The following THADA variants were observed in gnomAD, a reference collection of about 807,000 sequenced individuals.
The protein encoded by THADA is tRNA (32-2'-O)-methyltransferase regulator THADA.
In THADA, 213 loss-of-function variants were observed where a neutral mutation model predicts 219.8. The observed-to-expected ratio is 0.97, with a 90% CI of 0.87 to 1.09. THADA has a LOEUF of 1.09. Among genes scored for constraint, THADA ranks in the 50% least tolerant of loss-of-function variants. The probability of loss-of-function intolerance (pLI) is 0.00; values close to 1 mark genes in which losing one functional copy is unlikely to be tolerated. For missense variants in THADA, 2,956 were observed against 2,311.3 expected (o/e 1.28, Z -5.72); for synonymous variants, 1,018 against 828.9 (o/e 1.23, Z -3.92).
intron 36 of THADA, among the ~76,000 whole-genome samples, chr2:43,268,640 G>A (rs558711234): frequency 2.8e-4 from 42 of 152,330 alleles, no homozygotes; most frequent in African/African-American, 7.5e-4. Context: ...CACCCTTTAC[G>A]CCTCCTTGGA....
chr2:43,243,333 G>T (rs1668805928), intron 36 of THADA, among the ~76,000 whole-genome samples: 1 of 152,168 alleles, frequency 6.6e-6, no homozygotes, highest in Admixed American at 6.5e-5. Context: ...AGAGTTGGTG[G>T]TGCTACTGGC....
chr2:43,352,044 C>T (rs1228429407), intron 29 of THADA, among the ~76,000 whole-genome samples: 1 of 152,160 alleles, frequency 6.6e-6, no homozygotes, highest in Non-Finnish European at 1.5e-5. Flanking sequence ...TAACATAATA[C>T]CTGCTCTAAC....
At chr2:43,267,751 C>A (rs758247912) in intron 36 of THADA, among the ~76,000 whole-genome samples, 1 of 151,554 alleles carries the variant, frequency 6.6e-6, no homozygotes, top group Non-Finnish European at 1.5e-5. Context: ...AGAAGGTGTG[C>A]GCCCCTAATC....
intron 36 of THADA, among the ~76,000 whole-genome samples, chr2:43,235,034 C>T (rs1667874917): frequency 1.3e-5 from 2 of 151,150 alleles, no homozygotes; most frequent in African/African-American, 2.4e-5. Context: ...GGCTTGTGTG[C>T]AGTGGCGTGA....
chr2:43,340,522 C>T (rs1666953555), intron 30 of THADA, among the ~76,000 whole-genome samples: 1 of 152,120 alleles, frequency 6.6e-6, no homozygotes, highest in Admixed American at 6.5e-5. Flanking sequence ...AATACATATC[C>T]ACTAGCATTT....
chr2:43,362,079 C>G (rs751457335), intron 29 of THADA, among the ~76,000 whole-genome samples: 17 of 152,154 alleles, frequency 1.1e-4, no homozygotes, highest in Non-Finnish European at 2.4e-4. Flanking sequence ...TAGTATTTCC[C>G]AAATGACCCA....
intron 28 of THADA, among the ~76,000 whole-genome samples, chr2:43,412,465 A>G (rs1337790635): frequency 2.0e-5 from 3 of 152,212 alleles, no homozygotes; most frequent in Non-Finnish European, 2.9e-5. Flanking sequence ...TCATGATTTC[A>G]TCAGCAGATT....
chr2:43,278,397 G>C (rs1396077322), intron 36 of THADA, among the ~76,000 whole-genome samples: 1 of 152,232 alleles, frequency 6.6e-6, no homozygotes, highest in African/African-American at 2.4e-5. Context: ...GCTGGGCTGG[G>C]TGCGGAATCT....
At chr2:43,542,536 A>G (rs778339203) in intron 20 of THADA, among the ~76,000 whole-genome samples, 13 of 152,234 alleles carry the variant, frequency 8.5e-5, no homozygotes, top group Non-Finnish European at 1.9e-4. Flanking sequence ...GTTTTACAGC[A>G]CTGCAGAAAA....
At chr2:43,590,561 C>T (rs776244548) in intron 4 of THADA, among the ~76,000 whole-genome samples, 4 of 147,782 alleles carry the variant, frequency 2.7e-5, no homozygotes, top group Non-Finnish European at 5.9e-5. Context: ...AGGAGAATGG[C>T]GTGAACCCGG....
intron 25 of THADA, among the ~76,000 whole-genome samples, chr2:43,493,358 G>C (rs566747013): frequency 5.9e-5 from 9 of 152,132 alleles, no homozygotes; most frequent in Non-Finnish European, 1.0e-4. Flanking sequence ...AGCTGGGCGT[G>C]GTAGCATGCG....
Position 43,291,765 on chromosome 2 carries a change from A to G in THADA, c.4941T>C (p.Ser1647=). Residue 1647 remains serine (S), a synonymous_variant, in exon 34 of 38, where the codon TCT becomes TCC. Transcript: ENST00000405975. The part of the protein sequence containing the change: ...WTMDIASNER[S]EIQSVALRLA... ...GTCTCAGAGCTACACTCTGAATTTC[A>G]GATCTAGAAAAATAAACAAACAAAA... is the stretch of plus-strand genomic sequence containing the variant. The G allele has an allele frequency of 6.5e-7, 1 of 1,544,996 alleles. No individual in the cohort carries two copies. Among genetic ancestry groups the G allele is most frequent in the Non-Finnish European group, 8.7e-7 (1 of 1,143,370 alleles).
At chr2:43,563,017 C>T (rs985158867) in intron 15 of THADA, 6 of 152,150 alleles carry the variant, frequency 3.9e-5, no homozygotes, top group South Asian at 2.1e-4. Context: ...AAAAACACAA[C>T]TTCTGGTTTC....
chr2:43,245,169 C>CTTTTT (rs1558459342), intron 36 of THADA, among the ~76,000 whole-genome samples: 1 of 88,482 alleles, frequency 1.1e-5, no homozygotes, highest in East Asian at 2.4e-4. Flanking sequence ...TTTCTTTCTT[C>CTTTTT]TTCTTTTTTT....
chr2:43,488,064 T>C (rs943016233), intron 25 of THADA, among the ~76,000 whole-genome samples: 3 of 152,198 alleles, frequency 2.0e-5, no homozygotes, highest in South Asian at 2.1e-4. Flanking sequence ...ACCCTGTTCA[T>C]CAGTTAGTAA....
At chr2:43,458,805 T>A (rs1261443593) in intron 26 of THADA, among the ~76,000 whole-genome samples, 1 of 152,208 alleles carries the variant, frequency 6.6e-6, no homozygotes, top group Non-Finnish European at 1.5e-5. Context: ...TTGAGATTCC[T>A]AAAGGGGGAT....
chr2:43,406,628 C>T (rs944901752), intron 28 of THADA, among the ~76,000 whole-genome samples: 2 of 152,182 alleles, frequency 1.3e-5, no homozygotes, highest in South Asian at 4.1e-4. Context: ...TAGCAAAGTA[C>T]ATACAAAGAC....
chr2:43,512,383 C>G (rs1054968564), intron 22 of THADA, among the ~76,000 whole-genome samples: 4 of 152,244 alleles, frequency 2.6e-5, no homozygotes, highest in Admixed American at 2.0e-4. Flanking sequence ...AAGTCCTGAC[C>G]TCAAAGCCAT....
At chr2:43,298,378 T>TTAAAC (rs1225125581) in intron 31 of THADA, among the ~76,000 whole-genome samples, 4 of 116,410 alleles carry the variant, frequency 3.4e-5, no homozygotes, top group Non-Finnish European at 5.1e-5. Context: ...ATGTGCTTTG[T>TTAAAC]TAAACAGATG....
Sources: allele counts gnomAD v4.1 joint callset (sites outside exome capture counted in the v4.1 genomes callset), GRCh38; gene constraint gnomAD v4.1.1; transcripts MANE v1.5; gene names NCBI Gene and HGNC (gene_info 2026-07-23, HGNC 2026-07-21).